NT5DC3: variants seen among roughly 807,000 people sequenced by gnomAD.
NT5DC3 encodes the protein 5'-nucleotidase domain containing 3, also known as 5'-nucleotidase domain-containing protein 3.
In NT5DC3, 42 loss-of-function variants were observed where a neutral mutation model predicts 67.8. That is an observed-to-expected ratio of 0.62 (90% CI 0.48 to 0.80). The LOEUF (loss-of-function observed/expected upper bound fraction) is 0.80. Ranked by LOEUF, NT5DC3 falls within the 30% of genes least tolerant of loss-of-function variation. The pLI is 0.00. For synonymous variants in NT5DC3, 237 were observed against 255.6 expected, an observed-to-expected ratio of 0.93 and a Z score of 0.69; for missense variants, 570 against 696.4, an observed-to-expected ratio of 0.82 and a Z score of 2.04.
At chr12:103,797,929 T>C (rs577926866) in intron 5 of NT5DC3, among the ~76,000 whole-genome samples, 132 of 152,362 alleles carry the variant, frequency 8.7e-4, no homozygotes, top group Non-Finnish European at 1.4e-3. Context: ...TATTAGCCTA[T>C]GCAAAGCCTG....
chr12:103,765,938 C>A (rs10861094), downstream of NT5DC3: 126,743 of 380,326 alleles, frequency 0.33, 23,234 homozygotes, highest in East Asian at 0.6. Context: ...ATATTATTAG[C>A]CACCTTTTGT....
chr12:103,779,713 AG>A (rs1266429304), intron 13 of NT5DC3, among the ~76,000 whole-genome samples: 1 of 152,224 alleles, frequency 6.6e-6, no homozygotes, highest in Non-Finnish European at 1.5e-5. Context: ...GCACAAAGTC[AG>A]AAAAGTTCAT....
At chr12:103,788,625 TA>T (rs35829421) in intron 10 of NT5DC3, among the ~76,000 whole-genome samples, 1 of 152,150 alleles carries the variant, frequency 6.6e-6, no homozygotes, top group East Asian at 1.9e-4. Flanking sequence ...ATTTTGTTTT[TA>T]AAAAAACATT....
At chr12:103,756,033 T>C in the NT5DC3 span, among the ~76,000 whole-genome samples, 7 of 152,114 alleles carry the variant, frequency 4.6e-5, no homozygotes, top group Non-Finnish European at 1.0e-4. Flanking sequence ...ACATGGAAAA[T>C]TCTATGTTCT....
chr12:103,770,348 C>T (rs1885153136), downstream of NT5DC3: 1 of 152,078 alleles, frequency 6.6e-6, no homozygotes, highest in Non-Finnish European at 1.5e-5. Flanking sequence ...AGCTACAATT[C>T]CAATAGAAGA....
chr12:103,811,622 A>C (rs1887036376), intron 2 of NT5DC3, among the ~76,000 whole-genome samples: 2 of 152,220 alleles, frequency 1.3e-5, no homozygotes, highest in Admixed American at 6.5e-5. Flanking sequence ...AACTAACTGC[A>C]ATGTGGTGTC....
chr12:103,753,259 G>A, the NT5DC3 span: 2 of 1,614,208 alleles, frequency 1.2e-6, no homozygotes, highest in Non-Finnish European at 1.7e-6. Flanking sequence ...TCCCCACTGG[G>A]CCAGTATAAG....
downstream of NT5DC3, chr12:103,766,311 G>C (rs758266652): frequency 8.7e-6 from 14 of 1,613,944 alleles, no homozygotes; most frequent in Non-Finnish European, 1.2e-5. Flanking sequence ...CAGCTTGAGG[G>C]CAATGACCCC....
intron 10 of NT5DC3, 54 bp from the exon 11 acceptor site, chr12:103,787,581 C>A: frequency 3.0e-6 from 3 of 991,380 alleles, no homozygotes; most frequent in Non-Finnish European, 4.6e-6. Context: ...ATCTGTCTAA[C>A]CCACAGTACA....
At chr12:103,833,559 T>G (rs974535485) in intron 1 of NT5DC3, among the ~76,000 whole-genome samples, 1 of 152,148 alleles carries the variant, frequency 6.6e-6, no homozygotes, top group Non-Finnish European at 1.5e-5. Context: ...TTTGACTGAT[T>G]AGTAAATGGT....
At position 103,788,878 on chromosome 12, in the gene NT5DC3, T is replaced by C; in HGVS notation, c.1061A>G (p.Asp354Gly). 1 of 1,613,664 alleles carries C rather than the reference T, an allele frequency of 6.2e-7. No homozygotes were observed. Among genetic ancestry groups the C allele is most frequent in the South Asian group, 1.1e-5 (1 of 91,064 alleles). ...KMNEKGVLLW[D>G]KIHKLQKGQI... Reference sequence around the variant, plus strand: ...GCCTTTCTGCAACTTATGGATTTTATCCCAGAGTAAGACACCTTTCTCATT... The same window carrying C: ...GCCTTTCTGCAACTTATGGATTTTACCCCAGAGTAAGACACCTTTCTCATT... The change falls in exon 10 of 14, where the codon GAT becomes GGT. Residue 354 changes from aspartate (D) to glycine (G), a missense_variant. Physicochemically the swap from Asp to Gly is moderately conservative, Grantham distance 94. This residue lies in a region of NT5DC3 where 466 missense variants were observed against 608.0 expected (regional missense o/e 0.77). Coordinates refer to ENST00000392876, the MANE Select transcript of NT5DC3 (RefSeq NM_001031701.3).
chr12:103,832,171 C>T (rs140293859), intron 1 of NT5DC3, among the ~76,000 whole-genome samples: 14 of 151,820 alleles, frequency 9.2e-5, no homozygotes, highest in East Asian at 3.9e-4. Context: ...TTTTTTTCAG[C>T]GTGTGGGTAT....
the NT5DC3 span, chr12:103,748,888 T>C: frequency 6.7e-7 from 1 of 1,483,978 alleles, no homozygotes; most frequent in Non-Finnish European, 9.1e-7. Flanking sequence ...AGTGCTGTGG[T>C]GCCCCATACC....
the NT5DC3 span, chr12:103,755,650 G>A: frequency 6.2e-7 from 1 of 1,614,126 alleles, no homozygotes; most frequent in Non-Finnish European, 8.5e-7. Flanking sequence ...TGTGGGAGAT[G>A]GCTTCTCATG....
rs1260506617 is a variant in NT5DC3 at position 103,787,678 on chromosome 12, T to G, written c.1102-151A>C. On this transcript the variant is annotated intron_variant, in intron 10 of 13. Transcript: ENST00000392876. ...ATAAAAGCACCTTCATGGGAAATCT[T>G]TCTTCTATGTCAAATGCACTGTTCA... 1.2e-5 allele frequency: 6 copies of G among 497,146 alleles called. No individual in the cohort carries two copies. In the Admixed American group the frequency reaches 1.4e-4, roughly 11 times the overall value. The allele number at this position is 497,146 out of a possible 1,614,324, so 30.8% of individuals were successfully genotyped here.
chr12:103,830,434 ACT>A (rs1300567274), intron 1 of NT5DC3, among the ~76,000 whole-genome samples: 6 of 151,316 alleles, frequency 4.0e-5, no homozygotes, highest in East Asian at 1.9e-4. Flanking sequence ...GTTTTGGAAA[ACT>A]CTGAGCAATT....
chr12:103,798,004 C>T (rs927016195), intron 5 of NT5DC3, among the ~76,000 whole-genome samples: 4 of 152,046 alleles, frequency 2.6e-5, no homozygotes, highest in Non-Finnish European at 5.9e-5. Flanking sequence ...GTTGAAATTG[C>T]GATGGTTTTA....
At chr12:103,816,967 CTTTTTT>C (rs376622215) in intron 1 of NT5DC3, among the ~76,000 whole-genome samples, 3 of 118,958 alleles carry the variant, frequency 2.5e-5, no homozygotes, top group Non-Finnish European at 1.7e-5. Context: ...TTTCTTTTTT[CTTTTTT>C]TTTTTTTTGC....
At chr12:103,816,325 G>C (rs1406784541) in intron 1 of NT5DC3, among the ~76,000 whole-genome samples, 1 of 152,208 alleles carries the variant, frequency 6.6e-6, no homozygotes, top group Non-Finnish European at 1.5e-5. Context: ...GCATGCAAAA[G>C]TTTGAGATTT....
Sources: allele counts gnomAD v4.1 joint callset (sites outside exome capture counted in the v4.1 genomes callset), GRCh38; gene constraint gnomAD v4.1.1; regional missense constraint gnomAD v4.1.1; transcripts MANE v1.5; gene names NCBI Gene and HGNC (gene_info 2026-07-23, HGNC 2026-07-21).